ENTREP2: variants seen among roughly 807,000 people sequenced by gnomAD.
ENTREP2 encodes the protein endosomal transmembrane epsin interactor 2, also known as protein ENTREP2.
At chr15:29,579,763 T>C in the ENTREP2 span, among the ~76,000 whole-genome samples, 2 of 138,214 alleles carry the variant, frequency 1.4e-5, no homozygotes, top group Admixed American at 1.6e-4. Flanking sequence ...CAGGCTGGAG[T>C]GCAGTGGCGC....
chr15:29,475,575 T>TAGGGGGCG, the ENTREP2 span, among the ~76,000 whole-genome samples: 6 of 147,462 alleles, frequency 4.1e-5, no homozygotes, highest in Non-Finnish European at 7.5e-5. Flanking sequence ...GGAGGAGGAG[T>TAGGGGGCG]AGGGGGCGAG....
the ENTREP2 span, among the ~76,000 whole-genome samples, chr15:29,378,642 C>T: frequency 6.6e-6 from 1 of 152,186 alleles, no homozygotes; most frequent in Non-Finnish European, 1.5e-5. Flanking sequence ...CAGCTCTTCC[C>T]TCCATCTCCA....
chr15:29,510,036 G>A, the ENTREP2 span, among the ~76,000 whole-genome samples: 4 of 151,986 alleles, frequency 2.6e-5, no homozygotes, highest in African/African-American at 9.6e-5. Context: ...GAATCTACAA[G>A]GAACTTAAAT....
At chr15:29,447,653 A>ATT in the ENTREP2 span, among the ~76,000 whole-genome samples, 249 of 141,178 alleles carry the variant, frequency 1.8e-3, 1 homozygote, top group Non-Finnish European at 2.6e-3. Flanking sequence ...GACCTGGCTG[A>ATT]TTTTTTTTTT....
the ENTREP2 span, among the ~76,000 whole-genome samples, chr15:29,616,054 A>G: frequency 0.3 from 45,078 of 151,932 alleles, 9,956 homozygotes; most frequent in African/African-American, 0.62. Flanking sequence ...CATGCAGGTA[A>G]CAGTGTCTGT....
the ENTREP2 span, among the ~76,000 whole-genome samples, chr15:29,533,946 C>G: frequency 1.3e-5 from 2 of 151,802 alleles, no homozygotes; most frequent in Non-Finnish European, 2.9e-5. Flanking sequence ...TTGTGAAATG[C>G]CAGGGCCCCA....
At chr15:29,561,790 T>C in the ENTREP2 span, among the ~76,000 whole-genome samples, 101,372 of 151,980 alleles carry the variant, frequency 0.67, 34,006 homozygotes, top group Non-Finnish European at 0.71. Context: ...GAGGCTGGTT[T>C]GGGTGGCAAT....
At chr15:29,269,587 C>G in the ENTREP2 span, 6 of 1,547,418 alleles carry the variant, frequency 3.9e-6, no homozygotes, top group African/African-American at 1.4e-5. Flanking sequence ...AAAGCCGTCT[C>G]TGAGAACCCG....
At chr15:29,603,034 G>A in the ENTREP2 span, among the ~76,000 whole-genome samples, 3 of 152,334 alleles carry the variant, frequency 2.0e-5, no homozygotes, top group Admixed American at 2.0e-4. Flanking sequence ...TCACGAGATG[G>A]CCCAATGACG....
At chr15:29,640,579 C>T in the ENTREP2 span, among the ~76,000 whole-genome samples, 1 of 151,948 alleles carries the variant, frequency 6.6e-6, no homozygotes, top group African/African-American at 2.4e-5. Flanking sequence ...GGAAAGATTG[C>T]TTGAGCCCAG....
At chr15:29,325,329 A>G in the ENTREP2 span, among the ~76,000 whole-genome samples, 1 of 152,076 alleles carries the variant, frequency 6.6e-6, no homozygotes, top group East Asian at 1.9e-4. Flanking sequence ...AAATACTAAA[A>G]ATTAAGGCAG....
the ENTREP2 span, among the ~76,000 whole-genome samples, chr15:29,502,541 T>C: frequency 6.6e-6 from 1 of 152,022 alleles, no homozygotes; most frequent in South Asian, 2.1e-4. Flanking sequence ...GAAAAGTTTT[T>C]TGGAAAGGAC....
chr15:29,534,804 G>A, the ENTREP2 span, among the ~76,000 whole-genome samples: 1 of 152,084 alleles, frequency 6.6e-6, no homozygotes, highest in East Asian at 1.9e-4. Flanking sequence ...AGTTTTCACT[G>A]GCCAAGACAA....
At chr15:29,428,480 G>C in the ENTREP2 span, among the ~76,000 whole-genome samples, 57 of 152,108 alleles carry the variant, frequency 3.7e-4, no homozygotes, top group African/African-American at 1.1e-3. Context: ...CTCCCAAAGT[G>C]CTGGGATTAC....
the ENTREP2 span, among the ~76,000 whole-genome samples, chr15:29,238,043 C>T: frequency 1.3e-5 from 2 of 152,174 alleles, no homozygotes; most frequent in Non-Finnish European, 2.9e-5. Context: ...AGTACTGATA[C>T]ATGCTGCAAT....
the ENTREP2 span, among the ~76,000 whole-genome samples, chr15:29,276,756 AT>A: frequency 1.3e-5 from 2 of 152,232 alleles, no homozygotes; most frequent in Non-Finnish European, 2.9e-5. Flanking sequence ...CTTTTGCTTA[AT>A]CTGCTTTGAG....
the ENTREP2 span, among the ~76,000 whole-genome samples, chr15:29,188,241 TTTTC>T: frequency 2.6e-5 from 4 of 152,090 alleles, no homozygotes; most frequent in African/African-American, 9.7e-5. Context: ...TATAGTTAGT[TTTTC>T]TTTCTTTTTT....
the ENTREP2 span, among the ~76,000 whole-genome samples, chr15:29,171,305 T>C: frequency 6.6e-6 from 1 of 152,232 alleles, no homozygotes; most frequent in African/African-American, 2.4e-5. Context: ...ATTAGTCCTC[T>C]GACTGCAGGT....
the ENTREP2 span, among the ~76,000 whole-genome samples, chr15:29,137,529 G>A: frequency 5.3e-5 from 8 of 152,146 alleles, no homozygotes; most frequent in East Asian, 1.9e-4. Context: ...GCTGCCTGAC[G>A]TGCGTGGTTT....
Sources: allele counts gnomAD v4.1 joint callset (sites outside exome capture counted in the v4.1 genomes callset), GRCh38; gene constraint gnomAD v4.1.1; transcripts MANE v1.5; gene names NCBI Gene and HGNC (gene_info 2026-07-23, HGNC 2026-07-21).